The following RREB1 variants were observed in gnomAD, a reference collection of about 807,000 sequenced individuals.
RREB1 encodes ras-responsive element-binding protein 1.
In RREB1, 27 loss-of-function variants were observed where a neutral mutation model predicts 117.8. That is an observed-to-expected ratio of 0.23 (90% CI 0.17 to 0.32). The LOEUF (loss-of-function observed/expected upper bound fraction) is 0.32. Among genes scored for constraint, RREB1 ranks in the 10% least tolerant of loss-of-function variants. RREB1 has a pLI of 1.00. For synonymous variants in RREB1, 1,298 were observed against 1,026.7 expected (o/e 1.26, Z -5.05); for missense variants, 2,577 against 2,378.2 (o/e 1.08, Z -1.74).
At chr6:7,159,062 C>T (rs895552058) in intron 1 of RREB1, among the ~76,000 whole-genome samples, 1 of 152,010 alleles carries the variant, frequency 6.6e-6, no homozygotes, top group Non-Finnish European at 1.5e-5. Context: ...CTTTTATAGC[C>T]GATTTATGCA....
At chr6:7,141,271 G>T (rs542510630) in intron 1 of RREB1, among the ~76,000 whole-genome samples, 27 of 152,294 alleles carry the variant, frequency 1.8e-4, no homozygotes, top group African/African-American at 6.3e-4. Context: ...TCGCGCTGGC[G>T]TTCCCCCGTG....
At position 7,248,717 on chromosome 6, in the gene RREB1, G is replaced by T. The variant is rs760115046; in HGVS notation, c.4978G>T (p.Ala1660Ser). Reference sequence around the variant, plus strand: ...CGTCTCAGAGAACGAGGCTGAGCTGGCTCCCAATGCCAGCAACCACATGGC... The same window carrying T: ...CGTCTCAGAGAACGAGGCTGAGCTGTCTCCCAATGCCAGCAACCACATGGC... The part of the protein sequence containing the change: ...NAVSENEAEL[A>S]PNASNHMAVT... The change falls in exon 13 of 13, where the codon GCT becomes TCT. Residue 1660 changes from alanine (A) to serine (S), a missense_variant. Transcript: ENST00000379938. The T allele has an allele frequency of 5.9e-5, 96 of 1,614,068 alleles. No individual in the cohort carries two copies. The highest frequency in any genetic ancestry group is 8.0e-5 in the Non-Finnish European group (94 of 1,180,036).
In RREB1 at chr6:7,246,742, AGGGCGACGGCGAGGCAGGCGCCGG is replaced by A. The variant is rs746487825; in HGVS notation, c.4298_4321del (p.Asp1433_Gly1440del). ...AAGCTCATGGACTTCAAGCTGGCGG[AGGGCGACGGCGAGGCAGGCGCCGG>A]GGGCGCGGCCTCGCAGGAGCAGAAG... is the stretch of plus-strand genomic sequence containing the variant. On this transcript the variant is annotated inframe_deletion, in exon 12 of 13. Coordinates refer to ENST00000379938, the MANE Select transcript of RREB1 (RefSeq NM_001003699.4). 43 of 1,574,938 alleles carry A rather than the reference AGGGCGACGGCGAGGCAGGCGCCGG, an allele frequency of 2.7e-5. No individual in the cohort carries two copies. Among genetic ancestry groups the A allele is most frequent in the African/African-American group, 9.5e-5 (7 of 73,994 alleles).
rs1380899583 is a variant in RREB1, at chr6:7,231,875, G to A, written c.3776G>A (p.Ser1259Asn). 1.9e-6 allele frequency: 3 copies of A among 1,611,528 alleles called. No individual in the cohort carries two copies. The highest frequency in any genetic ancestry group is 1.1e-5 in the South Asian group (1 of 90,766). ...PHCPRVFPWA[S>N]SLQRHMLTHT... ...TGTCCCCGGGTTTTCCCTTGGGCCA[G>A]CTCCCTACAGAGGCACATGCTCACA... is the stretch of plus-strand genomic sequence containing the variant. Residue 1259 changes from serine (S) to asparagine (N), a missense_variant, in exon 10 of 13, where the codon AGC (serine) becomes AAC (asparagine). Coordinates refer to ENST00000379938, the MANE Select transcript of RREB1 (RefSeq NM_001003699.4).
At chr6:7,157,146 A>G (rs563899699) in intron 1 of RREB1, among the ~76,000 whole-genome samples, 1 of 152,194 alleles carries the variant, frequency 6.6e-6, no homozygotes, top group Admixed American at 6.5e-5. Context: ...TTAGTAAAAT[A>G]TTTGGCTGGG....
chr6:7,168,170 A>T (rs1465304065), intron 1 of RREB1, among the ~76,000 whole-genome samples: 1 of 147,390 alleles, frequency 6.8e-6, no homozygotes, highest in African/African-American at 2.5e-5. Flanking sequence ...CAGGAGAATC[A>T]CTTGAACCCA....
chr6:7,112,418 C>G (rs1761189243), intron 1 of RREB1, among the ~76,000 whole-genome samples: 1 of 152,032 alleles, frequency 6.6e-6, no homozygotes, highest in Non-Finnish European at 1.5e-5. Flanking sequence ...TTTTTTATGT[C>G]CAAATATAAT....
At chr6:7,207,873 A>G (rs908176338) in intron 6 of RREB1, among the ~76,000 whole-genome samples, 5 of 152,250 alleles carry the variant, frequency 3.3e-5, no homozygotes, top group Admixed American at 3.3e-4. Flanking sequence ...CCTTGAGGAC[A>G]GATAGACAGA....
At chr6:7,116,277 C>T (rs903472918) in intron 1 of RREB1, among the ~76,000 whole-genome samples, 3 of 152,202 alleles carry the variant, frequency 2.0e-5, no homozygotes, top group Non-Finnish European at 4.4e-5. Flanking sequence ...TTGATTCTTA[C>T]TGCCTCCTGT....
At chr6:7,201,206 G>C (rs1765957834) in intron 6 of RREB1, among the ~76,000 whole-genome samples, 1 of 152,136 alleles carries the variant, frequency 6.6e-6, no homozygotes, top group Admixed American at 6.5e-5. Context: ...CTTTGAACAG[G>C]TCCTGAGTGT....
At chr6:7,115,196 G>T (rs1761337802) in intron 1 of RREB1, among the ~76,000 whole-genome samples, 1 of 152,146 alleles carries the variant, frequency 6.6e-6, no homozygotes, top group Non-Finnish European at 1.5e-5. Flanking sequence ...AGCTGCTGTG[G>T]TTGGGAGGGA....
At chr6:7,207,515 A>G (rs1209051003) in intron 6 of RREB1, among the ~76,000 whole-genome samples, 1 of 152,184 alleles carries the variant, frequency 6.6e-6, no homozygotes, top group Non-Finnish European at 1.5e-5. Context: ...ATTGACAACA[A>G]ACTTGGTAGG....
intron 1 of RREB1, among the ~76,000 whole-genome samples, chr6:7,153,413 T>TACACACACACAC (rs57110705): frequency 0.022 from 3,154 of 145,770 alleles, 63 homozygotes; most frequent in Middle Eastern, 0.064. Flanking sequence ...AGTAGTGGTA[T>TACACACACACAC]ACACACACAC....
chr6:7,207,141 A>G (rs1427645668), intron 6 of RREB1, among the ~76,000 whole-genome samples: 2 of 152,182 alleles, frequency 1.3e-5, no homozygotes, highest in Non-Finnish European at 2.9e-5. Context: ...AATTCCTGCC[A>G]TTGCTAGTGT....
At chr6:7,138,894 A>G (rs1408380027) in intron 1 of RREB1, among the ~76,000 whole-genome samples, 1 of 146,062 alleles carries the variant, frequency 6.8e-6, no homozygotes, top group Non-Finnish European at 1.5e-5. Flanking sequence ...ACGTAAAACA[A>G]TTACAAAAAT....
At position 7,159,383 on chromosome 6, in the gene RREB1, C is replaced by T. The variant is rs533560132; in HGVS notation, c.-284-17272C>T. On this transcript the variant is annotated intron_variant, in intron 1 of 12. Coordinates refer to ENST00000379938, the MANE Select transcript of RREB1 (RefSeq NM_001003699.4). Reference sequence around the variant, plus strand: ...GATAGTCATCATTCAGAAACTAACTCGAATCCCAACATCATTCCTGGAATA... The same window carrying T: ...GATAGTCATCATTCAGAAACTAACTTGAATCCCAACATCATTCCTGGAATA... Among the ~76,000 whole-genome samples the T allele has an allele frequency of 4.1e-4, 62 of 152,282 alleles. No individual in the cohort carries two copies. The South Asian group carries it at 0.011, about 27-fold the overall frequency.
At chr6:7,151,714 G>A (rs891747078) in intron 1 of RREB1, among the ~76,000 whole-genome samples, 1 of 152,226 alleles carries the variant, frequency 6.6e-6, no homozygotes, top group Non-Finnish European at 1.5e-5. Flanking sequence ...TGCAGGGTCA[G>A]GGAGAAGGTG....
At chr6:7,115,109 T>C (rs1022087870) in intron 1 of RREB1, among the ~76,000 whole-genome samples, 5 of 152,202 alleles carry the variant, frequency 3.3e-5, no homozygotes, top group Admixed American at 6.5e-5. Flanking sequence ...CATAACCGTC[T>C]GCCGTTTTTA....
At chr6:7,186,373 G>C (rs1765081940) in intron 4 of RREB1, among the ~76,000 whole-genome samples, 1 of 152,184 alleles carries the variant, frequency 6.6e-6, no homozygotes, top group African/African-American at 2.4e-5. Context: ...ACAGATTTCT[G>C]GGGTTCTACT....
Sources: allele counts gnomAD v4.1 joint callset (sites outside exome capture counted in the v4.1 genomes callset), GRCh38; gene constraint gnomAD v4.1.1; transcripts MANE v1.5; gene names NCBI Gene and HGNC (gene_info 2026-07-23, HGNC 2026-07-21).